SNX29: variants seen among roughly 807,000 people sequenced by gnomAD.
The protein encoded by SNX29 is sorting nexin 29, also known as sorting nexin-29.
Under a neutral mutation model 102.1 loss-of-function variants are expected in SNX29, and 78 were observed. That is an observed-to-expected ratio of 0.76 (90% CI 0.64 to 0.92). SNX29 has a LOEUF of 0.92. SNX29 is among the 40% of genes least tolerant of loss of function. SNX29 has a pLI of 0.00. For synonymous variants in SNX29, 580 were observed against 414.5 expected (o/e 1.40, Z -4.85); for missense variants, 1,280 against 1,061.7 (o/e 1.21, Z -2.86).
At chr16:12,313,709 C>G (rs990327883) in intron 15 of SNX29, among the ~76,000 whole-genome samples, 3 of 152,232 alleles carry the variant, frequency 2.0e-5, no homozygotes, top group Non-Finnish European at 4.4e-5. Flanking sequence ...ATTGTTGCAT[C>G]CCCCACACCT....
chr16:11,996,126 G>C (rs1257533312), intron 1 of SNX29, among the ~76,000 whole-genome samples: 2 of 152,094 alleles, frequency 1.3e-5, no homozygotes, highest in Admixed American at 6.6e-5. Flanking sequence ...CTTTTGGGCT[G>C]GGTGTGGTGG....
intron 19 of SNX29, among the ~76,000 whole-genome samples, chr16:12,520,782 A>G (rs1000112155): frequency 2.8e-4 from 42 of 151,980 alleles, no homozygotes; most frequent in Non-Finnish European, 4.0e-4. Context: ...ATAATAATGG[A>G]CTTTGGGGAC....
intron 11 of SNX29, among the ~76,000 whole-genome samples, chr16:12,086,259 G>A (rs528411917): frequency 3.9e-5 from 6 of 151,994 alleles, no homozygotes; most frequent in African/African-American, 9.6e-5. Flanking sequence ...CCGCCTCGGC[G>A]TCTCAAAGTG....
intron 13 of SNX29, among the ~76,000 whole-genome samples, chr16:12,163,798 G>A (rs968657376): frequency 6.6e-6 from 1 of 152,188 alleles, no homozygotes; most frequent in Admixed American, 6.5e-5. Context: ...CGGACCATAA[G>A]CTGATGCAGG....
chr16:11,991,037 C>G (rs560158954), intron 1 of SNX29, among the ~76,000 whole-genome samples: 63 of 152,312 alleles, frequency 4.1e-4, no homozygotes, highest in African/African-American at 1.5e-3. Context: ...GACTGCGGGA[C>G]TCTTTCCAGA....
rs1168626675 is a variant in SNX29 at position 12,571,921 on chromosome 16, C to CTGG, written c.*3295_*3297dup. 1 of 1,062,118 alleles carries CTGG rather than the reference C, an allele frequency of 9.4e-7. No homozygotes were observed. The highest frequency in any genetic ancestry group is 5.4e-5 in the Admixed American group (1 of 18,598). 65.8% of individuals were successfully genotyped at this position (1,062,118 alleles called of 1,614,324 possible). A position where few individuals can be genotyped will look rare whatever the true frequency, so the allele number is the denominator to read the frequency against. ...CCCTGCATTTCTCTACTGGCAGGCC[C>CTGG]TGGTGAAGGAAGACACTTTCAGGGA... On this transcript the variant is annotated 3_prime_UTR_variant, in exon 21 of 21. Transcript: ENST00000566228.
At chr16:12,142,388 C>T (rs1312824894) in intron 13 of SNX29, among the ~76,000 whole-genome samples, 2 of 152,102 alleles carry the variant, frequency 1.3e-5, no homozygotes, top group East Asian at 3.9e-4. Flanking sequence ...CATGATGTAC[C>T]CCAGAGCAGC....
chr16:12,562,770 G>GA (rs1161369494), intron 20 of SNX29, among the ~76,000 whole-genome samples: 1 of 152,104 alleles, frequency 6.6e-6, no homozygotes, highest in Non-Finnish European at 1.5e-5. Flanking sequence ...CAAAGGCTTG[G>GA]AGTCCTTTAG....
At chr16:12,349,005 C>T (rs560401585) in intron 15 of SNX29, among the ~76,000 whole-genome samples, 65 of 152,198 alleles carry the variant, frequency 4.3e-4, no homozygotes, top group Non-Finnish European at 8.5e-4. Context: ...CTTCCCCATT[C>T]CTCAGCTTGT....
rs564309660 is a variant in SNX29 at position 12,535,741 on chromosome 16, C to G, written c.2318+10900C>G. 4.4e-3 allele frequency among the ~76,000 whole-genome samples: 672 copies of G among 152,248 alleles called. 5 individuals carry two copies. Among genetic ancestry groups the G allele is most frequent in the African/African-American group, 0.016 (646 of 41,564 alleles). ...GTAAACAAAGCCAGGCTTGGTCACG[C>G]TCGTCTTCCACCACTGTGTGTCTCC... On this transcript the variant is annotated intron_variant, in intron 20 of 20. Transcript: ENST00000566228.
chr16:12,068,890 G>A (rs989691994), intron 9 of SNX29, among the ~76,000 whole-genome samples, 167 bp from the exon 10 acceptor site: 1 of 152,202 alleles, frequency 6.6e-6, no homozygotes, highest in African/African-American at 2.4e-5. Context: ...GATTATCTCT[G>A]AACAACAGGA....
chr16:12,352,006 A>G (rs12102589), intron 15 of SNX29, among the ~76,000 whole-genome samples: 8,582 of 152,066 alleles, frequency 0.056, 395 homozygotes, highest in African/African-American at 0.12. Flanking sequence ...TTGGAGTTAA[A>G]CTTGTATTTT....
At chr16:12,152,644 G>A (rs1274125167) in intron 13 of SNX29, among the ~76,000 whole-genome samples, 1 of 152,202 alleles carries the variant, frequency 6.6e-6, no homozygotes, top group Admixed American at 6.5e-5. Flanking sequence ...GAAAAAGACT[G>A]ACCTGTACTA....
chr16:12,065,456 T>C lies in SNX29; in HGVS notation c.1244-3601T>C, dbSNP rs1404957255. The stretch of plus-strand genomic sequence containing the variant: ...GTGTTTAGTATTGGGTTTTAGGAAA[T>C]GCACAATTTCCAAGGGCTTTCTTAG... On this transcript the variant is annotated intron_variant, in intron 9 of 20. Transcript: ENST00000566228. Among the ~76,000 whole-genome samples the C allele has an allele frequency of 2.6e-5, 4 of 152,222 alleles. No homozygotes were observed. The East Asian group carries it at 7.7e-4, about 29-fold the overall frequency.
intron 15 of SNX29, among the ~76,000 whole-genome samples, chr16:12,287,810 T>C (rs1376518498): frequency 6.6e-6 from 1 of 152,196 alleles, no homozygotes; most frequent in Non-Finnish European, 1.5e-5. Context: ...GTCACCTGTG[T>C]CTCCCTGCCT....
intron 17 of SNX29, among the ~76,000 whole-genome samples, chr16:12,401,321 A>G (rs2083931307): frequency 6.6e-6 from 1 of 151,746 alleles, no homozygotes; most frequent in South Asian, 2.1e-4. Flanking sequence ...AAAAATTGAA[A>G]TCATCCAAAG....
At chr16:12,167,508 A>G (rs1386577914) in intron 13 of SNX29, among the ~76,000 whole-genome samples, 1 of 152,196 alleles carries the variant, frequency 6.6e-6, no homozygotes, top group Non-Finnish European at 1.5e-5. Context: ...CAATATGATC[A>G]TCATCATAGT....
chr16:12,526,462 C>T, intron 20 of SNX29: 1 of 468,114 alleles, frequency 2.1e-6, no homozygotes, highest in African/African-American at 2.0e-5. Context: ...ATCCTGCTGC[C>T]TGTGATAAGA....
At chr16:12,350,121 C>G (rs905240758) in intron 15 of SNX29, among the ~76,000 whole-genome samples, 1 of 152,012 alleles carries the variant, frequency 6.6e-6, no homozygotes, top group Non-Finnish European at 1.5e-5. Context: ...AGTCACTTGC[C>G]GTGTGTGTGT....
Sources: gnomAD v4.1 joint callset for allele counts (sites outside exome capture counted in the v4.1 genomes callset) on GRCh38, gnomAD v4.1.1 for gene constraint, MANE v1.5 for transcripts, NCBI Gene and HGNC (gene_info 2026-07-23, HGNC 2026-07-21) for gene names.